The following DPH6 variants were observed in gnomAD, a reference collection of about 807,000 sequenced individuals.
The protein encoded by DPH6 is diphthine--ammonia ligase.
In DPH6, 33 loss-of-function variants were observed where a neutral mutation model predicts 38.2. The ratio of observed to expected loss-of-function variants is 0.86; its 90% confidence interval spans 0.65 to 1.15. The LOEUF (loss-of-function observed/expected upper bound fraction) is 1.15, where lower values mean the gene tolerates loss of function less well. Ranked by LOEUF, DPH6 falls within the 50% of genes most tolerant of loss-of-function variation. DPH6 has a pLI of 0.00. For missense variants in DPH6, 325 were observed against 320.0 expected (o/e 1.02, Z -0.12); for synonymous variants, 108 against 103.0 (o/e 1.05, Z -0.30).
intron 6 of DPH6, among the ~76,000 whole-genome samples, chr15:35,409,762 A>G (rs1158584970): frequency 1.3e-5 from 2 of 151,962 alleles, no homozygotes; most frequent in Non-Finnish European, 2.9e-5. Flanking sequence ...ATAAGCATAG[A>G]AAGCAACCAT....
intron 3 of DPH6, among the ~76,000 whole-genome samples, chr15:35,254,644 G>T (rs968499124): frequency 6.6e-6 from 1 of 152,130 alleles, no homozygotes; most frequent in Non-Finnish European, 1.5e-5. Context: ...CAGAAAATAT[G>T]AGGTAAAAAA....
intron 3 of DPH6, among the ~76,000 whole-genome samples, chr15:35,332,345 GAA>G (rs2052332721): frequency 6.6e-6 from 1 of 152,020 alleles, no homozygotes; most frequent in Non-Finnish European, 1.5e-5. Context: ...CTAAAAGAGA[GAA>G]AGAAAAAATA....
rs142372552 is a variant in DPH6, at chr15:35,427,388, T to G, written c.506-16492A>C. 7.2e-5 allele frequency among the ~76,000 whole-genome samples: 11 copies of G among 152,004 alleles called. No individual in the cohort carries two copies. In the East Asian group the frequency reaches 1.4e-3, roughly 19 times the overall value. ...AAGTGTGAAATGGCTGAGCTACAGA[T>G]GAGGATATGCAATGTATTTGGAAAA... On this transcript the variant is annotated intron_variant, in intron 5 of 8. Transcript: ENST00000256538.
At chr15:35,305,381 C>CAGAG (rs1555392133) in intron 3 of DPH6, among the ~76,000 whole-genome samples, 1 of 151,850 alleles carries the variant, frequency 6.6e-6, no homozygotes, top group Non-Finnish European at 1.5e-5. Flanking sequence ...ACCACATACT[C>CAGAG]ACACTGTGAA....
At chr15:35,344,350 G>T (rs1358897329) in intron 3 of DPH6, among the ~76,000 whole-genome samples, 1 of 151,866 alleles carries the variant, frequency 6.6e-6, no homozygotes, top group African/African-American at 2.4e-5. Flanking sequence ...TTTATAATTA[G>T]GCTTGGGTCA....
intron 3 of DPH6, among the ~76,000 whole-genome samples, chr15:35,356,796 A>G (rs1353801930): frequency 6.6e-6 from 1 of 151,990 alleles, no homozygotes; most frequent in East Asian, 1.9e-4. Flanking sequence ...GAGAACCACT[A>G]CTCTCTTCAA....
chr15:35,514,116 A>T (rs1034480036), intron 3 of DPH6, among the ~76,000 whole-genome samples: 1 of 152,092 alleles, frequency 6.6e-6, no homozygotes, highest in Non-Finnish European at 1.5e-5. Flanking sequence ...GGACTCAGTA[A>T]TTCTCAATTA....
rs538179714 is a variant in DPH6 at position 35,485,159 on chromosome 15, G to A, written c.313-30339C>T. Among the ~76,000 whole-genome samples, 22 of 152,252 alleles carry A rather than the reference G, an allele frequency of 1.4e-4. No homozygotes were observed. The South Asian group carries it at 4.4e-3, about 30-fold the overall frequency. ...AAATGAGAAAACTGAGGCATGGATAGGTAAAATTGTCCAGGATCACACAGC... is the reference window on the plus strand; with the variant it reads ...AAATGAGAAAACTGAGGCATGGATAAGTAAAATTGTCCAGGATCACACAGC... On this transcript the variant is annotated intron_variant, in intron 3 of 8. Transcript: ENST00000256538.
At chr15:35,535,314 T>C (rs2055152882) in intron 3 of DPH6, among the ~76,000 whole-genome samples, 1 of 152,098 alleles carries the variant, frequency 6.6e-6, no homozygotes, top group South Asian at 2.1e-4. Flanking sequence ...AAAAATGACT[T>C]TCAATTTAAA....
intron 6 of DPH6, chr15:35,400,572 T>C (rs1292819345): frequency 2.8e-6 from 1 of 356,406 alleles, no homozygotes; most frequent in Admixed American, 3.9e-5. Context: ...TGTCAAACAC[T>C]GAAGAACCAT....
chr15:35,158,078 T>G, the DPH6 span, among the ~76,000 whole-genome samples: 108,177 of 151,966 alleles, frequency 0.71, 39,757 homozygotes, highest in Middle Eastern at 0.83. Flanking sequence ...AGGAGGAGAA[T>G]GGAAGAAGAC....
At chr15:35,326,268 GT>G (rs1445376121), downstream of DPH6, among the ~76,000 whole-genome samples, 1 of 151,950 alleles carries the variant, frequency 6.6e-6, no homozygotes, top group East Asian at 1.9e-4. Flanking sequence ...CTTGAAAACT[GT>G]CAAAACTGAT....
rs148415771 is a variant in DPH6 at position 35,310,038 on chromosome 15, G to A, written n.200+63483C>T. Among the ~76,000 whole-genome samples, 369 of 152,216 alleles carry A rather than the reference G, an allele frequency of 2.4e-3. 1 individual carries two copies. The highest frequency in any genetic ancestry group is 8.3e-3 in the African/African-American group (344 of 41,518). ...CCTGTGTCACAGTAGTTTTAGAGCA[G>A]TGACTCAAACTTAGGTGAACATTTG... On this transcript the variant is annotated intron_variant and non_coding_transcript_variant, in intron 3 of 3. Transcript: ENST00000560386.
chr15:35,388,494 T>C (rs2053004404), intron 6 of DPH6, among the ~76,000 whole-genome samples: 1 of 152,218 alleles, frequency 6.6e-6, no homozygotes, highest in South Asian at 2.1e-4. Context: ...ATTGGTAAGC[T>C]ATTAATTATT....
the DPH6 span, among the ~76,000 whole-genome samples, chr15:35,201,304 G>A: frequency 2.6e-5 from 4 of 151,512 alleles, no homozygotes; most frequent in Non-Finnish European, 5.9e-5. Context: ...AAATACTGGG[G>A]TTAGTTTTAT....
the DPH6 span, among the ~76,000 whole-genome samples, chr15:35,168,142 C>G: frequency 2.1e-3 from 323 of 152,066 alleles, 2 homozygotes; most frequent in Admixed American, 0.012. Flanking sequence ...TAAGGAACTG[C>G]CATAGGTAGG....
intron 3 of DPH6, among the ~76,000 whole-genome samples, chr15:35,291,506 C>A (rs1220199332): frequency 6.6e-6 from 1 of 152,052 alleles, no homozygotes; most frequent in South Asian, 2.1e-4. Context: ...ACACTCTTGT[C>A]TTTATGGAGG....
the DPH6 span, among the ~76,000 whole-genome samples, chr15:35,211,360 C>T: frequency 1.3e-5 from 2 of 152,154 alleles, no homozygotes; most frequent in East Asian, 3.9e-4. Context: ...GGAAATCAAA[C>T]CATGTGACAG....
intron 3 of DPH6, among the ~76,000 whole-genome samples, chr15:35,277,970 A>G (rs1412450233): frequency 2.0e-5 from 3 of 152,224 alleles, no homozygotes; most frequent in Non-Finnish European, 2.9e-5. Context: ...AGAGCATAAA[A>G]GTTTGACAAA....
Sources: gnomAD v4.1 joint callset for allele counts (sites outside exome capture counted in the v4.1 genomes callset) on GRCh38, gnomAD v4.1.1 for gene constraint, MANE v1.5 for transcripts, NCBI Gene and HGNC (gene_info 2026-07-23, HGNC 2026-07-21) for gene names.